Variants in DGKH observed in about 807,000 individuals in gnomAD.
DGKH encodes DAG kinase eta.
DGKH carries 90 observed loss-of-function variants against 159.3 expected under a neutral mutation model. The observed-to-expected ratio is 0.57, with a 90% CI of 0.48 to 0.67. DGKH has a LOEUF of 0.67. Ranked by LOEUF, DGKH falls within the 30% of genes least tolerant of loss-of-function variation. DGKH has a pLI of 0.00. For synonymous variants in DGKH, 536 were observed against 553.8 expected (o/e 0.97, Z 0.45); for missense variants, 1,181 against 1,506.1 (o/e 0.78, Z 3.57).
At chr13:42,222,124 A>G (rs930921006) in intron 29 of DGKH, among the ~76,000 whole-genome samples, 4 of 152,314 alleles carry the variant, frequency 2.6e-5, no homozygotes, top group African/African-American at 9.6e-5. Flanking sequence ...TCTCAGTAGT[A>G]GTAGAAACAG....
At chr13:42,166,795 C>A in intron 9 of DGKH, 121 bp downstream of exon 9, 1 of 872,960 alleles carries the variant, frequency 1.1e-6, no homozygotes, top group East Asian at 3.1e-5. Flanking sequence ...TTTTAAAGCT[C>A]TAATTATAAG....
intron 1 of DGKH, among the ~76,000 whole-genome samples, chr13:42,061,988 G>GGTGGGTGTGTGTGT (rs1555256127): frequency 4.0e-5 from 6 of 149,678 alleles, no homozygotes; most frequent in Non-Finnish European, 8.9e-5. Context: ...TGTGTGTGTG[G>GGTGGGTGTGTGTGT]GTGTGTGTGT....
intron 3 of DGKH, among the ~76,000 whole-genome samples, chr13:42,137,812 G>A (rs1471523290): frequency 6.6e-6 from 1 of 152,192 alleles, no homozygotes; most frequent in African/African-American, 2.4e-5. Context: ...GGATTGATTG[G>A]CATTTCAGGG....
chr13:42,187,382 T>C (rs532814448), intron 14 of DGKH, among the ~76,000 whole-genome samples: 1 of 152,226 alleles, frequency 6.6e-6, no homozygotes, highest in South Asian at 2.1e-4. Context: ...GTCCCAGTGA[T>C]TGATTTTTTT....
intron 5 of DGKH, among the ~76,000 whole-genome samples, chr13:42,158,437 T>G (rs945702480): frequency 4.6e-5 from 7 of 152,216 alleles, no homozygotes; most frequent in South Asian, 2.1e-4. Flanking sequence ...GAGATAAACA[T>G]GTTTAATAAT....
At chr13:42,046,865 T>C (rs2137628576), upstream of DGKH, among the ~76,000 whole-genome samples, 1 of 152,362 alleles carries the variant, frequency 6.6e-6, no homozygotes, top group African/African-American at 2.4e-5. Flanking sequence ...CCTTAGTTTC[T>C]TTACATTAAA....
At chr13:42,174,177 T>G in intron 12 of DGKH, 33 bp downstream of exon 12, 1 of 1,488,370 alleles carries the variant, frequency 6.7e-7, no homozygotes, top group Non-Finnish European at 9.3e-7. Flanking sequence ...TCATTTGAAA[T>G]GGGGGTGGAT....
chr13:42,248,394 C>G (rs535930117), intron 29 of DGKH, among the ~76,000 whole-genome samples: 1 of 150,624 alleles, frequency 6.6e-6, no homozygotes, highest in South Asian at 2.1e-4. Flanking sequence ...CCACTGCACT[C>G]CAGCCTGGGT....
intron 7 of DGKH, among the ~76,000 whole-genome samples, chr13:42,162,307 T>C (rs1160059905): frequency 1.3e-5 from 2 of 151,076 alleles, no homozygotes; most frequent in African/African-American, 4.8e-5. Flanking sequence ...GGTCAGGAGT[T>C]CGAGACCAGC....
chr13:42,051,717 T>C (rs1418858138), intron 1 of DGKH, among the ~76,000 whole-genome samples: 2 of 128,356 alleles, frequency 1.6e-5, no homozygotes, highest in African/African-American at 5.7e-5. Flanking sequence ...TGGAGTGCAA[T>C]GGTGTGATCT....
At chr13:42,052,801 A>G (rs1450283413) in intron 1 of DGKH, among the ~76,000 whole-genome samples, 1 of 152,250 alleles carries the variant, frequency 6.6e-6, no homozygotes, top group East Asian at 1.9e-4. Context: ...CAACAATCAT[A>G]AACCAAACAG....
chr13:42,138,618 C>T lies in DGKH; in HGVS notation c.384+8986C>T, dbSNP rs375094050. ...GGCTTAGAGAACAGTTTTCTAATCC[C>T]TCCCTATGATATTGGTTTATATATA... On this transcript the variant is annotated intron_variant, in intron 3 of 29. Transcript: ENST00000337343. 6.8e-4 allele frequency among the ~76,000 whole-genome samples: 104 copies of T among 152,204 alleles called. 1 individual carries two copies. Among genetic ancestry groups the T allele is most frequent in the African/African-American group, 2.4e-3 (99 of 41,544 alleles).
intron 7 of DGKH, among the ~76,000 whole-genome samples, chr13:42,160,510 A>G (rs966813805): frequency 2.6e-5 from 4 of 152,152 alleles, no homozygotes; most frequent in African/African-American, 7.2e-5. Flanking sequence ...ATTTGCTACA[A>G]CCCTACCAGT....
At chr13:42,152,812 A>G (rs1168258357) in intron 3 of DGKH, among the ~76,000 whole-genome samples, 1 of 151,178 alleles carries the variant, frequency 6.6e-6, no homozygotes, top group Non-Finnish European at 1.5e-5. Context: ...GACCTGTGAC[A>G]GGGGTGGGAG....
At position 42,048,754 on chromosome 13, in the gene DGKH, C is replaced by A; in HGVS notation, c.-20C>A. ...CCGCCCCCGCCGGGCGGTGCTGTGT[C>A]CCCGCAGGAGTCGGAGAGGATGGCA... On this transcript the variant is annotated 5_prime_UTR_variant, in exon 1 of 30. Coordinates refer to ENST00000337343, the MANE Select transcript of DGKH (RefSeq NM_178009.5). The surrounding 1 kb of genome is among the most constrained non-coding windows in gnomAD (Gnocchi z 6.7). 1 of 1,268,086 alleles carries A rather than the reference C, an allele frequency of 7.9e-7. No individual in the cohort carries two copies. The highest frequency in any genetic ancestry group is 3.0e-5 in the South Asian group (1 of 32,980). The allele number at this position is 1,268,086 out of a possible 1,614,324, so 78.6% of individuals were successfully genotyped here.
In DGKH at chr13:42,194,989, G is replaced by A; in HGVS notation, c.2140G>A (p.Val714Met). The change falls in exon 17 of 30, where the codon GTG becomes ATG. Residue 714 changes from valine (V) to methionine (M), a missense_variant. Physicochemically the swap from Val to Met is conservative, Grantham distance 21. Coordinates refer to ENST00000337343, the MANE Select transcript of DGKH (RefSeq NM_178009.5). The stretch of plus-strand genomic sequence containing the variant: ...GGCAGCCAGCAAAGAAAACCTCCCT[G>A]TGCTCAATACCAGAATAATCTGCCC... Reference protein sequence around the residue: ...AVAASKENLPVLNTRIICPGL... With the variant: ...AVAASKENLPMLNTRIICPGL... 6.2e-7 allele frequency: 1 copy of A among 1,613,952 alleles called. No homozygotes were observed. The highest frequency in any genetic ancestry group is 8.5e-7 in the Non-Finnish European group (1 of 1,179,908).
Position 42,097,848 on chromosome 13 carries a change from A to G in DGKH, c.193-29615A>G, listed in dbSNP as rs557014018. 1.2e-4 allele frequency among the ~76,000 whole-genome samples: 19 copies of G among 152,176 alleles called. No homozygotes were observed. The South Asian group carries it at 3.7e-3, about 30-fold the overall frequency. ...TGATTCTAAAATACATTTTCACCCA[A>G]TCCTTGTTAGCTTCATCTTATCCTG... On this transcript the variant is annotated intron_variant, in intron 1 of 29. Coordinates refer to ENST00000337343, the MANE Select transcript of DGKH (RefSeq NM_178009.5).
At chr13:42,159,911 C>G in intron 6 of DGKH, 100 bp from the exon 7 acceptor site, 4 of 1,555,180 alleles carry the variant, frequency 2.6e-6, no homozygotes, top group African/African-American at 1.4e-5. Flanking sequence ...ATGAAACGTA[C>G]TACTGACCCT....
intron 25 of DGKH, among the ~76,000 whole-genome samples, chr13:42,214,882 T>C (rs1012593428): frequency 6.6e-6 from 1 of 152,192 alleles, no homozygotes; most frequent in African/African-American, 2.4e-5. Context: ...TTTTGAACTT[T>C]AATCGTCCTT....
Sources: allele counts gnomAD v4.1 joint callset (sites outside exome capture counted in the v4.1 genomes callset), GRCh38; gene constraint gnomAD v4.1.1; non-coding constraint Gnocchi (gnomAD v3.1); transcripts MANE v1.5; gene names NCBI Gene and HGNC (gene_info 2026-07-23, HGNC 2026-07-21).